The following ABCC8 variants were observed in gnomAD, a reference collection of about 807,000 sequenced individuals.
ABCC8 encodes the protein ATP-binding cassette sub-family C member 8.
In ABCC8, 137 loss-of-function variants were observed where a neutral mutation model predicts 188.0. The ratio of observed to expected loss-of-function variants is 0.73; its 90% CI spans 0.63 to 0.84. The LOEUF is 0.84. ABCC8 is among the 40% of genes least tolerant of loss of function. The pLI is 0.00. For missense variants in ABCC8, 1,750 were observed against 2,072.7 expected (o/e 0.84, Z 3.02); for synonymous variants, 797 against 846.5 (o/e 0.94, Z 1.01).
rs1957205311 is a variant in ABCC8 at position 17,461,834 on chromosome 11, C to T, written c.580-9G>A. The T allele has an allele frequency of 1.2e-6, 2 of 1,613,838 alleles. No homozygotes were observed. The highest frequency in any genetic ancestry group is 1.7e-6 in the Non-Finnish European group (2 of 1,180,002). ...TTGAAGAAGATGTATCTCTGTGGGG[C>T]ACATGGGCCATGGGGGATGGGTAAG... is the stretch of plus-strand genomic sequence containing the variant. On this transcript the variant is annotated splice_polypyrimidine_tract_variant and intron_variant, in intron 4 of 38. Transcript: ENST00000389817.
At chr11:17,440,518 C>T (rs575833606) in intron 10 of ABCC8, among the ~76,000 whole-genome samples, 1 of 152,240 alleles carries the variant, frequency 6.6e-6, no homozygotes, top group South Asian at 2.1e-4. Context: ...CTCTGAGAAC[C>T]ACAGGGTCAG....
At chr11:17,469,075 C>T (rs7106371) in intron 3 of ABCC8, among the ~76,000 whole-genome samples, 129,252 of 133,190 alleles carry the variant, frequency 0.97, 62,737 homozygotes, top group East Asian at 0.99. Flanking sequence ...CCTCCCTTCC[C>T]TCCCTCCCTC....
Position 17,421,001 on chromosome 11 carries a change from C to G in ABCC8, c.2223-4039G>C, listed in dbSNP as rs564384218. Among the ~76,000 whole-genome samples the G allele has an allele frequency of 3.3e-5, 5 of 152,306 alleles. No homozygotes were observed. In the South Asian group the frequency reaches 1.0e-3, roughly 32 times the overall value. The stretch of plus-strand genomic sequence containing the variant: ...GGAACCACACAGTTCTCTCTGAGAC[C>G]AGGAGCCAGGCTGCTGACGTGAGGG... On this transcript the variant is annotated intron_variant, in intron 16 of 38. Coordinates refer to ENST00000389817, the MANE Select transcript of ABCC8 (RefSeq NM_000352.6).
rs75218493 is a variant in ABCC8 at position 17,395,928 on chromosome 11, G to C, written c.4122C>G (p.Ile1374Met). 4 of 1,577,332 alleles carry C rather than the reference G, an allele frequency of 2.5e-6. No homozygotes were observed. The Admixed American group carries it at 5.4e-5, about 21-fold the overall frequency. Reference protein sequence around the residue: ...VNALIAPGQKIGICGRTGSGK... With the variant: ...VNALIAPGQKMGICGRTGSGK... ...CACTGCCGGTGCGGCCGCAGATCCC[G>C]ATCTGGAAAGAGAGAAGCAGGCACC... The change falls in exon 34 of 39, where the codon ATC becomes ATG. Residue 1374 changes from isoleucine to methionine, a missense_variant and splice_region_variant. Physicochemically the swap from Ile to Met is conservative, Grantham distance 10. Coordinates refer to ENST00000389817, the MANE Select transcript of ABCC8 (RefSeq NM_000352.6).
At position 17,404,787 on chromosome 11, in the gene ABCC8, T is replaced by C; in HGVS notation, c.3400-118A>G. On this transcript the variant is annotated intron_variant, in intron 27 of 38. Transcript: ENST00000389817. This position sits in a 1 kb window ranked among gnomAD's most constrained non-coding sequence, Gnocchi z 4.7. ...TTTTGATCCTTTATTTTTTTGAGAC[T>C]GAGTCTCACTGTTGCCCAGACTTGA... The C allele has an allele frequency of 6.9e-7, 1 of 1,447,554 alleles. No homozygotes were observed. The highest frequency in any genetic ancestry group is 9.4e-7 in the Non-Finnish European group (1 of 1,065,636). The allele number at this position is 1,447,554 out of a possible 1,614,324, so 89.7% of individuals were successfully genotyped here. A position where few individuals can be genotyped will look rare whatever the true frequency, so the allele number is the denominator to read the frequency against.
chr11:17,426,384 G>T (rs912480466), intron 16 of ABCC8, among the ~76,000 whole-genome samples: 15 of 152,186 alleles, frequency 9.9e-5, no homozygotes, highest in African/African-American at 3.6e-4. Context: ...CATTCTAACG[G>T]GTGTGAGATG....
At chr11:17,455,468 T>C (rs938954826) in intron 6 of ABCC8, among the ~76,000 whole-genome samples, 1 of 152,196 alleles carries the variant, frequency 6.6e-6, no homozygotes. Flanking sequence ...ACTTCCTCTC[T>C]CCGCCCCCAA....
At chr11:17,394,475 G>A in intron 36 of ABCC8, 76 bp from the exon 37 acceptor site, 3 of 1,608,976 alleles carry the variant, frequency 1.9e-6, no homozygotes, top group Non-Finnish European at 1.7e-6. Context: ...GATGGCTTGG[G>A]GGGCTGTTGG....
intron 22 of ABCC8, among the ~76,000 whole-genome samples, chr11:17,408,946 A>G (rs1262613899): frequency 2.1e-5 from 3 of 144,450 alleles, no homozygotes; most frequent in Non-Finnish European, 3.0e-5. Context: ...TTTGGAATCA[A>G]TAAATCTTTT....
intron 31 of ABCC8, 82 bp downstream of exon 31, chr11:17,397,602 G>A: frequency 6.6e-7 from 1 of 1,520,552 alleles, no homozygotes. Context: ...AGGCCTGGGA[G>A]TGTCTCATGT....
At position 17,476,651 on chromosome 11, in the gene ABCC8, G is replaced by A. The variant is rs369059273; in HGVS notation, c.126C>T (p.Ile42=). The A allele has an allele frequency of 8.1e-6, 13 of 1,612,206 alleles. No individual in the cohort carries two copies. Among genetic ancestry groups the A allele is most frequent in the African/African-American group, 1.3e-5 (1 of 74,830 alleles). Residue 42 remains isoleucine (I), a synonymous_variant, in exon 1 of 39, where the codon ATC becomes ATT. Transcript: ENST00000389817. ...NVVPHVFLLF[I]TFPILFIGWG... ...CACCAATGAAGAGGATGGGGAAGGT[G>A]ATGAAGAGTAGGAAGACGTGCGGCA... is the stretch of plus-strand genomic sequence containing the variant.
At chr11:17,402,012 A>T (rs1954268372) in intron 29 of ABCC8, among the ~76,000 whole-genome samples, 1 of 152,102 alleles carries the variant, frequency 6.6e-6, no homozygotes, top group Non-Finnish European at 1.5e-5. Flanking sequence ...TGTCACGTGG[A>T]TTTATCCTGG....
At chr11:17,460,400 A>G in intron 6 of ABCC8, 88 bp downstream of exon 6, 1 of 1,593,020 alleles carries the variant, frequency 6.3e-7, no homozygotes, top group African/African-American at 1.3e-5. Context: ...CAGTGTGGCC[A>G]TGGCTCACAC....
At chr11:17,409,209 G>A (rs1412426115) in intron 22 of ABCC8, among the ~76,000 whole-genome samples, 1 of 151,702 alleles carries the variant, frequency 6.6e-6, no homozygotes. Flanking sequence ...CACCCGCCTT[G>A]GCCTCCCAAG....
chr11:17,428,982 A>G (rs1422444690), intron 12 of ABCC8: 2 of 466,868 alleles, frequency 4.3e-6, no homozygotes, highest in African/African-American at 2.0e-5. Context: ...TGGATTGGTC[A>G]GGGTTAAGGT....
At chr11:17,402,860 C>T in intron 28 of ABCC8, 107 bp from the exon 29 acceptor site, 1 of 1,349,120 alleles carries the variant, frequency 7.4e-7, no homozygotes, top group Non-Finnish European at 1.1e-6. Flanking sequence ...ATGGCCTTAC[C>T]TCTCTAGGCC....
rs374726490 is a variant in ABCC8, at chr11:17,408,982, C to T, written c.2695-465G>A. On this transcript the variant is annotated intron_variant, in intron 22 of 38. Transcript: ENST00000389817. ...TTTTTTTTTTTTTTTGAGACAGGGT[C>T]TCACTCTGTTGCCTAGGCTGGGGTG... Among the ~76,000 whole-genome samples, 160 of 136,142 alleles carry T rather than the reference C, an allele frequency of 1.2e-3. 1 individual carries two copies. The highest frequency in any genetic ancestry group is 4.0e-3 in the African/African-American group (149 of 37,484). 89.3% of individuals were successfully genotyped at this position (136,142 alleles called of 152,430 possible).
rs200089482 is a variant in ABCC8, at chr11:17,404,489, C to A, written c.3557+23G>T. Reference sequence around the variant, plus strand: ...ACTGCACATTGCAAAGCACCTCCCACCCCTCACCCCTGAGGCCATCACCTG... The same window carrying A: ...ACTGCACATTGCAAAGCACCTCCCAACCCTCACCCCTGAGGCCATCACCTG... On this transcript the variant is annotated intron_variant, in intron 28 of 38. Transcript: ENST00000389817. This position sits in a 1 kb window ranked among gnomAD's most constrained non-coding sequence, Gnocchi z 4.7. 5.0e-4 allele frequency: 803 copies of A among 1,606,438 alleles called. 9 individuals carry two copies. In the African/African-American group the frequency reaches 9.9e-3, roughly 20 times the overall value.
intron 17 of ABCC8, among the ~76,000 whole-genome samples, 156 bp downstream of exon 17, chr11:17,416,774 C>A (rs1457296426): frequency 1.3e-5 from 2 of 152,234 alleles, no homozygotes; most frequent in Non-Finnish European, 2.9e-5. Flanking sequence ...ATTTTGCCCT[C>A]ATTGAGAATG....
Sources: gnomAD v4.1 joint callset for allele counts (sites outside exome capture counted in the v4.1 genomes callset) on GRCh38, gnomAD v4.1.1 for gene constraint, Gnocchi (gnomAD v3.1) non-coding constraint, MANE v1.5 for transcripts, NCBI Gene and HGNC (gene_info 2026-07-23, HGNC 2026-07-21) for gene names.